The following ZNF469 variants were observed in gnomAD, a reference collection of about 807,000 sequenced individuals.
ZNF469 encodes zinc finger protein 469.
ZNF469 carries 1 observed loss-of-function variant against 1.0 expected under a neutral mutation model. The ratio of observed to expected loss-of-function variants is 1.00; its 90% CI spans 0.35 to 4.73. The LOEUF (loss-of-function observed/expected upper bound fraction) is 4.73. Ranked by LOEUF, ZNF469 falls within the 30% of genes most tolerant of loss-of-function variation. The probability of loss-of-function intolerance (pLI) is 0.16; values close to 1 mark genes in which losing one functional copy is unlikely to be tolerated. For synonymous variants in ZNF469, 2,703 were observed against 2,363.4 expected, an observed-to-expected ratio of 1.14 and a Z score of -4.17; for missense variants, 6,100 against 5,356.3, an observed-to-expected ratio of 1.14 and a Z score of -4.33.
chr16:88,348,235 G>T, the ZNF469 span, among the ~76,000 whole-genome samples: 1 of 152,214 alleles, frequency 6.6e-6, no homozygotes, highest in Non-Finnish European at 1.5e-5. Flanking sequence ...TGCCTCTTCT[G>T]GCTCCTGGTG....
the ZNF469 span, among the ~76,000 whole-genome samples, chr16:88,339,294 C>CA: frequency 6.6e-4 from 2 of 3,042 alleles, no homozygotes; most frequent in African/African-American, 2.2e-3. Context: ...GACAGGATGG[C>CA]GGGGGATGGG....
the ZNF469 span, among the ~76,000 whole-genome samples, chr16:88,104,051 G>A: frequency 6.6e-5 from 10 of 151,912 alleles, no homozygotes; most frequent in Non-Finnish European, 8.8e-5. Context: ...CAGGTGGTTC[G>A]TAGGGTGCTT....
At position 88,429,587 on chromosome 16, in the gene ZNF469, CCCGTGCGCCGCCT is replaced by C. The variant is rs1236997252; in HGVS notation, c.2122_2134del (p.Ala708ThrfsTer20). The C allele has an allele frequency of 6.5e-7, 1 of 1,549,772 alleles. No homozygotes were observed. The highest frequency in any genetic ancestry group is 8.7e-7 in the Non-Finnish European group (1 of 1,146,724). ...GGTCGGGGAGGGCTGCAGGGCTTCC[CCCGTGCGCCGCCT>C]CCGTACCCCACACACCACTTCTCCC... On this transcript the variant is annotated frameshift_variant, in exon 3 of 3. Transcript: ENST00000565624. LOFTEE classifies it low-confidence loss of function (END_TRUNC).
At chr16:88,323,131 G>A in the ZNF469 span, among the ~76,000 whole-genome samples, 1,209 of 152,286 alleles carry the variant, frequency 7.9e-3, 22 homozygotes, top group African/African-American at 0.028. Context: ...TAGAGCTGCC[G>A]TTCCCTGGGT....
At chr16:88,346,588 G>T in the ZNF469 span, among the ~76,000 whole-genome samples, 1 of 152,136 alleles carries the variant, frequency 6.6e-6, no homozygotes, top group Non-Finnish European at 1.5e-5. Context: ...GCACGATGTT[G>T]GCTCACCGCG....
At chr16:88,168,143 CT>C in the ZNF469 span, among the ~76,000 whole-genome samples, 1 of 152,314 alleles carries the variant, frequency 6.6e-6, no homozygotes, top group East Asian at 1.9e-4. This position sits in a 1 kb window ranked among gnomAD's most constrained non-coding sequence, Gnocchi z 4.3. Flanking sequence ...CCTTTCAAAT[CT>C]TTTTTATAAG....
At chr16:88,239,682 T>C in the ZNF469 span, among the ~76,000 whole-genome samples, 34 of 4,764 alleles carry the variant, frequency 7.1e-3, 3 homozygotes, top group African/African-American at 0.037. Context: ...TATATATATA[T>C]ATATATATAT....
At chr16:88,229,356 C>T in the ZNF469 span, among the ~76,000 whole-genome samples, 1 of 152,228 alleles carries the variant, frequency 6.6e-6, no homozygotes, top group African/African-American at 2.4e-5. Flanking sequence ...TCTCGGGAAC[C>T]CTCCTGCTTC....
At chr16:88,378,552 G>C (rs891161332), upstream of ZNF469, among the ~76,000 whole-genome samples, 17 of 152,180 alleles carry the variant, frequency 1.1e-4, no homozygotes, top group African/African-American at 4.1e-4. Context: ...TGGGCTTCCT[G>C]CCCCATAGGG....
chr16:88,204,932 A>G, the ZNF469 span, among the ~76,000 whole-genome samples: 1 of 152,198 alleles, frequency 6.6e-6, no homozygotes, highest in Non-Finnish European at 1.5e-5. Context: ...GTCGGACAGC[A>G]CAGTGCTGGG....
chr16:88,209,481 C>G, the ZNF469 span, among the ~76,000 whole-genome samples: 1 of 152,004 alleles, frequency 6.6e-6, no homozygotes, highest in Non-Finnish European at 1.5e-5. Flanking sequence ...TTAGTAGAGA[C>G]GGGGTTTCAC....
Position 88,428,866 on chromosome 16 carries a change from G to T in ZNF469, c.1396G>T (p.Gly466Cys). Reference sequence around the variant, plus strand: ...TGCCACCAGGAGTATGTTCTTTAACGGCCAGCCCAGCCCAGGCCAGCGGCT... The same window carrying T: ...TGCCACCAGGAGTATGTTCTTTAACTGCCAGCCCAGCCCAGGCCAGCGGCT... Reference protein sequence around the residue: ...LAATRSMFFNGQPSPGQRLCL... With the variant: ...LAATRSMFFNCQPSPGQRLCL... Residue 466 changes from glycine to cysteine, a missense_variant, in exon 3 of 3, where the codon GGC (glycine) becomes TGC (cysteine). Coordinates refer to ENST00000565624, the MANE Select transcript of ZNF469 (RefSeq NM_001367624.2). 1.3e-6 allele frequency: 2 copies of T among 1,548,586 alleles called. No individual in the cohort carries two copies. Among genetic ancestry groups the T allele is most frequent in the South Asian group, 2.4e-5 (2 of 84,046 alleles).
In ZNF469 at chr16:88,437,515, C is replaced by A; in HGVS notation, c.10045C>A (p.Pro3349Thr). Reference protein sequence around the residue: ...CHHCGKRFPKPFKLQRHLAVH... With the variant: ...CHHCGKRFPKTFKLQRHLAVH... ...CCACTGCGGGAAGCGCTTCCCCAAG[C>A]CCTTCAAGCTGCAGCGCCACCTGGC... Residue 3349 changes from proline to threonine, a missense_variant, in exon 3 of 3, where the codon CCC (proline) becomes ACC (threonine). Transcript: ENST00000565624. The A allele has an allele frequency of 6.5e-7, 1 of 1,542,652 alleles. No individual in the cohort carries two copies. The highest frequency in any genetic ancestry group is 8.8e-7 in the Non-Finnish European group (1 of 1,141,802).
At chr16:88,367,708 G>A in the ZNF469 span, among the ~76,000 whole-genome samples, 5 of 152,292 alleles carry the variant, frequency 3.3e-5, no homozygotes, top group East Asian at 3.9e-4. Flanking sequence ...CGCATCCTTG[G>A]GCACCATCCT....
chr16:88,428,888 G>T lies in ZNF469; in HGVS notation c.1418G>T (p.Arg473Leu). The part of the protein sequence containing the change: ...FFNGQPSPGQ[R>L]LCLPQSAPLP... ...AACGGCCAGCCCAGCCCAGGCCAGC[G>T]GCTCTGCCTCCCCCAGAGTGCCCCC... is the stretch of plus-strand genomic sequence containing the variant. Residue 473 changes from arginine (R) to leucine (L), a missense_variant, in exon 3 of 3, where the codon CGG (arginine) becomes CTG (leucine). Coordinates refer to ENST00000565624, the MANE Select transcript of ZNF469 (RefSeq NM_001367624.2). 6.5e-7 allele frequency: 1 copy of T among 1,547,730 alleles called. No homozygotes were observed.
rs1230618809 is a variant in ZNF469 at position 88,432,539 on chromosome 16, C to A, written c.5069C>A (p.Ala1690Asp). The change falls in exon 3 of 3, where the codon GCC becomes GAC. Residue 1690 changes from alanine (A) to aspartate (D), a missense_variant. Transcript: ENST00000565624. ...VSGAPFSPRGANFHFQPVQKA... is the reference protein window; with the variant it reads ...VSGAPFSPRGDNFHFQPVQKA... ...GGGGCTCCTTTCAGCCCCAGGGGAG[C>A]CAACTTCCATTTTCAGCCAGTGCAG... 6 of 1,550,274 alleles carry A rather than the reference C, an allele frequency of 3.9e-6. No homozygotes were observed. In the East Asian group the frequency reaches 1.2e-4, roughly 32 times the overall value.
chr16:88,370,760 G>C, the ZNF469 span, among the ~76,000 whole-genome samples: 1 of 152,164 alleles, frequency 6.6e-6, no homozygotes, highest in Non-Finnish European at 1.5e-5. Context: ...GGGAAGGGTG[G>C]GTGACCCTGT....
chr16:88,395,363 G>T (rs1453156224), intron 1 of ZNF469, among the ~76,000 whole-genome samples: 1 of 150,662 alleles, frequency 6.6e-6, no homozygotes, highest in Admixed American at 6.6e-5. Context: ...ATGGATGGAT[G>T]GGTGGATGGC....
At chr16:88,308,497 T>A in the ZNF469 span, among the ~76,000 whole-genome samples, 3 of 152,182 alleles carry the variant, frequency 2.0e-5, no homozygotes, top group Non-Finnish European at 2.9e-5. Flanking sequence ...AAGGGCCAGT[T>A]CTTCCCATCT....
Sources: allele counts gnomAD v4.1 joint callset (sites outside exome capture counted in the v4.1 genomes callset), GRCh38; gene constraint gnomAD v4.1.1; non-coding constraint Gnocchi (gnomAD v3.1); transcripts MANE v1.5; gene names NCBI Gene and HGNC (gene_info 2026-07-23, HGNC 2026-07-21).